SLIT3: variants seen among roughly 807,000 people sequenced by gnomAD.
SLIT3 encodes slit homolog 3 protein.
In SLIT3, 68 loss-of-function variants were observed where a neutral mutation model predicts 184.0. The ratio of observed to expected loss-of-function variants is 0.37; its 90% CI spans 0.30 to 0.45. The LOEUF is 0.45. Ranked by LOEUF, SLIT3 falls within the 20% of genes least tolerant of loss-of-function variation. The pLI is 1.00. For missense variants in SLIT3, 1,707 were observed against 2,026.0 expected, an observed-to-expected ratio of 0.84 and a Z score of 3.02; for synonymous variants, 831 against 828.6, an observed-to-expected ratio of 1.00 and a Z score of -0.05.
At chr5:169,202,145 T>C (rs753984339) in intron 3 of SLIT3, among the ~76,000 whole-genome samples, 2 of 152,114 alleles carry the variant, frequency 1.3e-5, no homozygotes, top group Non-Finnish European at 2.9e-5. Context: ...GGTGGGAGGA[T>C]TGCTTAAGCT....
At chr5:168,950,364 T>C (rs1228574140) in intron 4 of SLIT3, among the ~76,000 whole-genome samples, 1 of 152,218 alleles carries the variant, frequency 6.6e-6, no homozygotes, top group Non-Finnish European at 1.5e-5. Context: ...CAGTCTATGG[T>C]ATTTTATTAT....
intron 16 of SLIT3, among the ~76,000 whole-genome samples, chr5:168,757,259 G>A (rs1324860792): frequency 6.6e-6 from 1 of 152,224 alleles, no homozygotes; most frequent in South Asian, 2.1e-4. Flanking sequence ...GGGTTTCTTG[G>A]TGAGGGTTAA....
chr5:168,923,082 T>TA (rs1279788992), intron 4 of SLIT3, among the ~76,000 whole-genome samples: 1 of 152,020 alleles, frequency 6.6e-6, no homozygotes, highest in Non-Finnish European at 1.5e-5. Context: ...TTGTAGGAAA[T>TA]AAAGAGTCAA....
intron 1 of SLIT3, among the ~76,000 whole-genome samples, chr5:169,264,616 G>A (rs187092306): frequency 5.9e-5 from 9 of 152,290 alleles, no homozygotes; most frequent in African/African-American, 2.2e-4. Context: ...TGATGAAAGA[G>A]AGAAACAGCA....
intron 6 of SLIT3, among the ~76,000 whole-genome samples, chr5:168,837,416 C>A (rs1389745293): frequency 6.6e-6 from 1 of 152,114 alleles, no homozygotes; most frequent in South Asian, 2.1e-4. Flanking sequence ...ACTGTAGCTC[C>A]GATTTTGTTC....
At chr5:169,001,086 C>T (rs1370462466) in intron 4 of SLIT3, among the ~76,000 whole-genome samples, 5 of 152,180 alleles carry the variant, frequency 3.3e-5, no homozygotes, top group Non-Finnish European at 7.3e-5. Flanking sequence ...TCTGCAAATC[C>T]ATAGTACTTT....
chr5:169,153,183 CCCACCCCTCACTCCATTTGGGCCAATGG>C (rs1762180128), intron 4 of SLIT3, among the ~76,000 whole-genome samples: 1 of 152,174 alleles, frequency 6.6e-6, no homozygotes, highest in Non-Finnish European at 1.5e-5. Flanking sequence ...AGCTATGTCG[CCCACCCCTCACTCCATTTGGGCCAATGG>C]GGAGGGGAGG....
intron 29 of SLIT3, among the ~76,000 whole-genome samples, chr5:168,687,794 T>A (rs543575424): frequency 6.6e-6 from 1 of 152,224 alleles, no homozygotes. Context: ...AGGAATACGA[T>A]ACTGTTTGCA....
chr5:168,872,562 A>C (rs1011318135), intron 5 of SLIT3, among the ~76,000 whole-genome samples: 6 of 151,578 alleles, frequency 4.0e-5, no homozygotes, highest in Non-Finnish European at 7.4e-5. Flanking sequence ...ATGCTCTAAA[A>C]ATATAAAAAT....
intron 4 of SLIT3, among the ~76,000 whole-genome samples, chr5:168,989,013 C>T (rs1445753423): frequency 6.6e-6 from 1 of 152,190 alleles, no homozygotes; most frequent in African/African-American, 2.4e-5. Context: ...TGGACATTTA[C>T]ATCTTCAGTC....
Position 168,766,842 on chromosome 5 carries a change from C to T in SLIT3, c.1460-4153G>A, listed in dbSNP as rs551386006. ...GAGAGGAACAGCCATTTGAATAATGCTTTCTCTCTTACTCAAGTTCTTTCT... is the reference window on the plus strand; with the variant it reads ...GAGAGGAACAGCCATTTGAATAATGTTTTCTCTCTTACTCAAGTTCTTTCT... On this transcript the variant is annotated intron_variant, in intron 14 of 35. Coordinates refer to ENST00000519560, the MANE Select transcript of SLIT3 (RefSeq NM_003062.4). Among the ~76,000 whole-genome samples the T allele has an allele frequency of 1.4e-3, 214 of 152,342 alleles. 1 individual carries two copies. Among genetic ancestry groups the T allele is most frequent in the Non-Finnish European group, 2.7e-3 (183 of 68,038 alleles).
chr5:169,039,468 C>T (rs904183240), intron 4 of SLIT3, among the ~76,000 whole-genome samples: 2 of 151,916 alleles, frequency 1.3e-5, no homozygotes, highest in Non-Finnish European at 2.9e-5. Context: ...AGGCGCCTGC[C>T]ACCACGTCTG....
intron 3 of SLIT3, among the ~76,000 whole-genome samples, chr5:169,201,585 C>T (rs1388616141): frequency 6.6e-6 from 1 of 152,180 alleles, no homozygotes; most frequent in Non-Finnish European, 1.5e-5. Context: ...TCATAGATGA[C>T]TATATCAGTC....
rs1217243136 is a variant in SLIT3 at position 168,662,760 on chromosome 5, G to C, written c.*3694C>G. The C allele has an allele frequency of 6.6e-6, 1 of 152,204 alleles. No homozygotes were observed. The allele number at this position is 152,204 out of a possible 1,614,324, so 9.4% of individuals were successfully genotyped here. On this transcript the variant is annotated 3_prime_UTR_variant, in exon 36 of 36. Coordinates refer to ENST00000519560, the MANE Select transcript of SLIT3 (RefSeq NM_003062.4). ...TTCCCTTTCCTGAATCCTGCTCAGGGGGGACACAGCTTGAGCGGCCTCTTC... is the reference window on the plus strand; with the variant it reads ...TTCCCTTTCCTGAATCCTGCTCAGGCGGGACACAGCTTGAGCGGCCTCTTC...
intron 5 of SLIT3, among the ~76,000 whole-genome samples, chr5:168,854,954 T>C (rs1758809143): frequency 6.6e-6 from 1 of 152,240 alleles, no homozygotes; most frequent in Non-Finnish European, 1.5e-5. Flanking sequence ...GCTGTGCTGA[T>C]AGCTGCTTTC....
At chr5:168,781,463 A>T (rs1259549782) in intron 12 of SLIT3, among the ~76,000 whole-genome samples, 2 of 152,182 alleles carry the variant, frequency 1.3e-5, no homozygotes, top group African/African-American at 4.8e-5. Flanking sequence ...TTCCAGGTAC[A>T]CAAGAGAGGG....
At chr5:169,108,729 G>A (rs539174840) in intron 4 of SLIT3, among the ~76,000 whole-genome samples, 4 of 152,240 alleles carry the variant, frequency 2.6e-5, no homozygotes, top group South Asian at 2.1e-4. Flanking sequence ...GGCCACCTTC[G>A]TAAGAGCCAC....
chr5:169,074,458 T>G (rs1243883048), intron 4 of SLIT3, among the ~76,000 whole-genome samples: 1 of 152,018 alleles, frequency 6.6e-6, no homozygotes, highest in African/African-American at 2.4e-5. Flanking sequence ...CATTATGGAG[T>G]GTTTCTACCT....
At chr5:169,069,263 G>A (rs1229600517) in intron 4 of SLIT3, among the ~76,000 whole-genome samples, 1 of 152,228 alleles carries the variant, frequency 6.6e-6, no homozygotes, top group African/African-American at 2.4e-5. Context: ...ACCGTCCATT[G>A]CTGCTGGGTA....
Sources: allele counts gnomAD v4.1 joint callset (sites outside exome capture counted in the v4.1 genomes callset), GRCh38; gene constraint gnomAD v4.1.1; transcripts MANE v1.5; gene names NCBI Gene and HGNC (gene_info 2026-07-23, HGNC 2026-07-21).